The following GALNT13 variants were observed in gnomAD, a reference collection of about 807,000 sequenced individuals.
The protein encoded by GALNT13 is UDP-GalNAc:polypeptide N-acetylgalactosaminyltransferase 13.
Under a neutral mutation model 64.2 loss-of-function variants are expected in GALNT13, and 28 were observed. The observed-to-expected ratio is 0.44, with a 90% CI of 0.32 to 0.60. GALNT13 has a LOEUF of 0.60. Ranked by LOEUF, GALNT13 falls within the 20% of genes least tolerant of loss-of-function variation. GALNT13 has a pLI of 0.05. For missense variants in GALNT13, 577 were observed against 669.8 expected, an observed-to-expected ratio of 0.86 and a Z score of 1.53; for synonymous variants, 214 against 224.6, an observed-to-expected ratio of 0.95 and a Z score of 0.42.
chr2:153,609,395 GACA>G, the GALNT13 span, among the ~76,000 whole-genome samples: 3 of 152,166 alleles, frequency 2.0e-5, no homozygotes, highest in Admixed American at 6.6e-5. Context: ...GACAATATCT[GACA>G]ACAACTATTT....
At chr2:154,131,534 A>G (rs978433868) in intron 3 of GALNT13, among the ~76,000 whole-genome samples, 2 of 151,990 alleles carry the variant, frequency 1.3e-5, no homozygotes, top group Admixed American at 6.6e-5. Flanking sequence ...TCTTCATGGA[A>G]CTCTGATCCT....
At chr2:154,016,055 C>A (rs1696981270) in intron 3 of GALNT13, among the ~76,000 whole-genome samples, 1 of 152,132 alleles carries the variant, frequency 6.6e-6, no homozygotes, top group South Asian at 2.1e-4. Flanking sequence ...ATTAATGATG[C>A]AAAATTACAT....
intron 3 of GALNT13, among the ~76,000 whole-genome samples, chr2:154,022,600 G>A (rs1008390955): frequency 1.5e-4 from 23 of 151,814 alleles, no homozygotes; most frequent in Non-Finnish European, 2.8e-4. Flanking sequence ...TTCTTTATTA[G>A]TCTTGCTAGC....
At chr2:153,924,827 T>C (rs1232665174) in intron 2 of GALNT13, among the ~76,000 whole-genome samples, 1 of 152,248 alleles carries the variant, frequency 6.6e-6, no homozygotes, top group African/African-American at 2.4e-5. Context: ...TTGAGCTTTT[T>C]TTCATGTTTG....
At chr2:153,847,930 T>C in the GALNT13 span, among the ~76,000 whole-genome samples, 9 of 152,314 alleles carry the variant, frequency 5.9e-5, no homozygotes, top group East Asian at 1.2e-3. Flanking sequence ...GCTCTAGAAC[T>C]AAAATTGCAT....
At chr2:153,585,089 A>C in the GALNT13 span, among the ~76,000 whole-genome samples, 57 of 152,350 alleles carry the variant, frequency 3.7e-4, no homozygotes, top group African/African-American at 1.3e-3. Context: ...AAATATTTGA[A>C]ATACCAGTTA....
chr2:154,184,534 G>C (rs1686145828), intron 4 of GALNT13, among the ~76,000 whole-genome samples: 1 of 151,402 alleles, frequency 6.6e-6, no homozygotes, highest in African/African-American at 2.4e-5. Context: ...TTCCTATTCT[G>C]TATCATTTAC....
chr2:154,419,658 T>C (rs1321634118), intron 11 of GALNT13, among the ~76,000 whole-genome samples: 8 of 152,140 alleles, frequency 5.3e-5, no homozygotes, highest in African/African-American at 1.9e-4. Context: ...GGTTATATGA[T>C]TCCTTGTGTC....
At chr2:153,938,206 G>A (rs749552307) in intron 2 of GALNT13, among the ~76,000 whole-genome samples, 1 of 152,150 alleles carries the variant, frequency 6.6e-6, no homozygotes, top group African/African-American at 2.4e-5. Flanking sequence ...GTTCACCAGG[G>A]TAACAGTTGG....
the GALNT13 span, among the ~76,000 whole-genome samples, chr2:153,803,657 A>G: frequency 7.0e-6 from 1 of 143,218 alleles, no homozygotes; most frequent in East Asian, 2.0e-4. Context: ...GCGCCACTGC[A>G]CTCCAGCCTG....
intron 9 of GALNT13, among the ~76,000 whole-genome samples, chr2:154,322,427 C>T (rs1182917327): frequency 6.6e-6 from 1 of 151,848 alleles, no homozygotes; most frequent in Non-Finnish European, 1.5e-5. Flanking sequence ...GGACATGGCA[C>T]TAGGAGCAAG....
chr2:154,075,053 A>C (rs963876916), intron 3 of GALNT13, among the ~76,000 whole-genome samples: 1 of 151,870 alleles, frequency 6.6e-6, no homozygotes, highest in Non-Finnish European at 1.5e-5. Flanking sequence ...TAGCCACAAC[A>C]ATCAGGCAAG....
At chr2:153,354,181 A>G in the GALNT13 span, 1 of 152,180 alleles carries the variant, frequency 6.6e-6, no homozygotes, top group Non-Finnish European at 1.5e-5. Context: ...AATGCAACAG[A>G]TAAAAAAATA....
At chr2:153,435,115 G>T in the GALNT13 span, among the ~76,000 whole-genome samples, 1 of 152,084 alleles carries the variant, frequency 6.6e-6, no homozygotes, top group African/African-American at 2.4e-5. Context: ...GTTTTTGTCA[G>T]GTTTGTCAAA....
At chr2:154,424,572 A>G (rs542825562) in intron 11 of GALNT13, among the ~76,000 whole-genome samples, 5 of 152,180 alleles carry the variant, frequency 3.3e-5, no homozygotes, top group Middle Eastern at 3.4e-3. Flanking sequence ...CATCAGTCAC[A>G]TTAAATTCTG....
the GALNT13 span, among the ~76,000 whole-genome samples, chr2:153,620,205 C>T: frequency 6.6e-6 from 1 of 152,160 alleles, no homozygotes; most frequent in South Asian, 2.1e-4. Flanking sequence ...CTTACTGAAA[C>T]CTCCACCTCC....
At chr2:154,247,242 A>C (rs900037924) in intron 7 of GALNT13, among the ~76,000 whole-genome samples, 2 of 152,042 alleles carry the variant, frequency 1.3e-5, no homozygotes, top group Non-Finnish European at 2.9e-5. Context: ...AGTAGTCTTA[A>C]GTCTTGTATA....
At chr2:153,139,813 C>T in the GALNT13 span, among the ~76,000 whole-genome samples, 4 of 151,728 alleles carry the variant, frequency 2.6e-5, no homozygotes, top group African/African-American at 9.7e-5. Context: ...TTGTTTTATG[C>T]GTGAAGGGAG....
At chr2:154,310,095 C>A (rs1246303370) in intron 9 of GALNT13, among the ~76,000 whole-genome samples, 1 of 152,172 alleles carries the variant, frequency 6.6e-6, no homozygotes, top group Non-Finnish European at 1.5e-5. Context: ...ATGAATACTG[C>A]CACCTTTGCT....
Sources: gnomAD v4.1 joint callset for allele counts (sites outside exome capture counted in the v4.1 genomes callset) on GRCh38, gnomAD v4.1.1 for gene constraint, MANE v1.5 for transcripts, NCBI Gene and HGNC (gene_info 2026-07-23, HGNC 2026-07-21) for gene names.